Variants in VPS45 observed in about 807,000 individuals in gnomAD.
The protein encoded by VPS45 is vacuolar protein sorting-associated protein 45.
A neutral mutation model predicts 75.9 loss-of-function variants in VPS45; 35 were observed. The observed-to-expected ratio is 0.46, with a 90% CI of 0.35 to 0.61. VPS45 has a LOEUF of 0.61. Ranked by LOEUF, VPS45 falls within the 20% of genes least tolerant of loss-of-function variation. The probability of loss-of-function intolerance (pLI) is 0.00; values close to 1 mark genes in which losing one functional copy is unlikely to be tolerated. For synonymous variants in VPS45, 220 were observed against 238.2 expected (o/e 0.92, Z 0.70); for missense variants, 559 against 685.9 (o/e 0.81, Z 2.07).
intron 14 of VPS45, among the ~76,000 whole-genome samples, chr1:150,134,955 T>G (rs1659000765): frequency 6.6e-6 from 1 of 152,224 alleles, no homozygotes; most frequent in Non-Finnish European, 1.5e-5. Flanking sequence ...GCCTTTACTA[T>G]TCAAGGCAGG....
At chr1:150,072,365 T>A in intron 3 of VPS45, 139 bp downstream of exon 3, 1 of 635,712 alleles carries the variant, frequency 1.6e-6, no homozygotes, top group Non-Finnish European at 2.5e-6. Context: ...TCCAAAGTAT[T>A]AAAAATCTTT....
At chr1:150,130,159 C>T (rs1553811960) in intron 14 of VPS45, among the ~76,000 whole-genome samples, 2 of 150,662 alleles carry the variant, frequency 1.3e-5, no homozygotes, top group African/African-American at 4.9e-5. Flanking sequence ...GCCACTGTGC[C>T]CAGCACACAT....
rs1221748312 is a variant in VPS45, at chr1:150,130,451, C to A, written c.1626-14258C>A. On this transcript the variant is annotated intron_variant, in intron 14 of 14. Coordinates refer to ENST00000644510, the MANE Select transcript of VPS45 (RefSeq NM_007259.5). ...AAGTGATCTGCCTGCCTCAGCCTCC[C>A]AAAGTGCTGAGATTATAGGCATAAA... Among the ~76,000 whole-genome samples the A allele has an allele frequency of 2.0e-5, 3 of 152,064 alleles. No homozygotes were observed. The South Asian group carries it at 6.2e-4, about 31-fold the overall frequency.
chr1:150,117,316 G>T (rs914538844), intron 14 of VPS45, among the ~76,000 whole-genome samples: 1 of 151,150 alleles, frequency 6.6e-6, no homozygotes, highest in Non-Finnish European at 1.5e-5. Context: ...GAGGTCATGA[G>T]TTTGAGAGGA....
At chr1:150,095,614 C>A (rs1224723461) in intron 13 of VPS45, among the ~76,000 whole-genome samples, 34 of 144,482 alleles carry the variant, frequency 2.4e-4, no homozygotes, top group African/African-American at 2.3e-4. Flanking sequence ...GACCCCATCT[C>A]AAAAAAAAAA....
At chr1:150,082,042 T>A in intron 9 of VPS45, 45 bp downstream of exon 9, 1 of 1,271,918 alleles carries the variant, frequency 7.9e-7, no homozygotes. Flanking sequence ...GACAGTTTGG[T>A]ACTATTCATG....
In VPS45 at chr1:150,076,558, C is replaced by G. The variant is rs587711744; in HGVS notation, c.369+246C>G. Reference sequence around the variant, plus strand: ...ATACCTGTTTTAAATTATATTCTCTCTCATGACAACACATTGGACAGCAAA... The same window carrying G: ...ATACCTGTTTTAAATTATATTCTCTGTCATGACAACACATTGGACAGCAAA... On this transcript the variant is annotated intron_variant, in intron 4 of 14. Transcript: ENST00000644510. 4 of 476,662 alleles carry G rather than the reference C, an allele frequency of 8.4e-6. No homozygotes were observed. In the East Asian group the frequency reaches 1.1e-4, roughly 13 times the overall value. 29.5% of individuals were successfully genotyped at this position (476,662 alleles called of 1,614,324 possible). A position where few individuals can be genotyped will look rare whatever the true frequency, so the allele number is the denominator to read the frequency against.
intron 12 of VPS45, among the ~76,000 whole-genome samples, chr1:150,093,293 G>C (rs1290610774): frequency 6.6e-6 from 1 of 152,078 alleles, no homozygotes; most frequent in African/African-American, 2.4e-5. Context: ...AAGGATTTAA[G>C]CAATTCCATT....
chr1:150,092,205 C>A, intron 11 of VPS45, 97 bp from the exon 12 acceptor site: 1 of 1,523,408 alleles, frequency 6.6e-7, no homozygotes, highest in East Asian at 2.3e-5. Flanking sequence ...ATGTATAATT[C>A]TGTCTTTTCA....
chr1:150,100,889 C>G (rs1559920925), intron 13 of VPS45, among the ~76,000 whole-genome samples: 1 of 152,140 alleles, frequency 6.6e-6, no homozygotes, highest in East Asian at 1.9e-4. Context: ...GGAGGACAAC[C>G]TAGGTAATAC....
intron 2 of VPS45, among the ~76,000 whole-genome samples, chr1:150,071,918 A>AT (rs58875425): frequency 0.027 from 4,098 of 152,016 alleles, 164 homozygotes; most frequent in African/African-American, 0.093. Context: ...CTTTATCTTA[A>AT]TTGGCCAAAA....
intron 5 of VPS45, 48 bp downstream of exon 5, chr1:150,077,032 A>G: frequency 6.2e-7 from 1 of 1,613,450 alleles, no homozygotes; most frequent in Non-Finnish European, 8.5e-7. Context: ...AATTCAGCAA[A>G]TAATTAGACT....
chr1:150,097,031 A>G (rs1324108875), intron 13 of VPS45, among the ~76,000 whole-genome samples: 1 of 151,528 alleles, frequency 6.6e-6, no homozygotes, highest in East Asian at 1.9e-4. Flanking sequence ...CTCACGGGTG[A>G]TATGCAAAGC....
At chr1:150,119,475 C>G (rs941577473) in intron 14 of VPS45, among the ~76,000 whole-genome samples, 6 of 152,116 alleles carry the variant, frequency 3.9e-5, no homozygotes, top group Non-Finnish European at 8.8e-5. Context: ...GAATTAGTGA[C>G]AAAAATGCAG....
intron 14 of VPS45, among the ~76,000 whole-genome samples, chr1:150,135,279 T>G (rs893630878): frequency 1.3e-5 from 2 of 152,156 alleles, no homozygotes; most frequent in Non-Finnish European, 2.9e-5. Context: ...ATTTATTTTT[T>G]ATGACAGAGT....
intron 13 of VPS45, among the ~76,000 whole-genome samples, chr1:150,096,492 T>C (rs1656664034): frequency 6.6e-6 from 1 of 152,094 alleles, no homozygotes; most frequent in Non-Finnish European, 1.5e-5. Flanking sequence ...GTGGTTGTAG[T>C]GGGTAAAAGA....
chr1:150,110,263 A>T (rs985665648), intron 13 of VPS45: 31 of 413,210 alleles, frequency 7.5e-5, no homozygotes, highest in Middle Eastern at 6.8e-4. Context: ...ACAGCACAGA[A>T]ATTATAAGAC....
chr1:150,093,501 A>G lies in VPS45; in HGVS notation c.1372-26A>G, dbSNP rs1553802426. On this transcript the variant is annotated intron_variant, in intron 12 of 14. Coordinates refer to ENST00000644510, the MANE Select transcript of VPS45 (RefSeq NM_007259.5). ...GTGTTGCCAATTTCCCAAAAATGAC[A>G]TAAGAACCATTTTCCCCTGTTTTAG... 5 of 1,605,578 alleles carry G rather than the reference A, an allele frequency of 3.1e-6. No homozygotes were observed. The South Asian group carries it at 4.4e-5, about 14-fold the overall frequency.
intron 14 of VPS45, among the ~76,000 whole-genome samples, chr1:150,134,152 C>G (rs1248471978): frequency 2.0e-5 from 3 of 152,136 alleles, no homozygotes; most frequent in Admixed American, 6.5e-5. Context: ...ATATCTTATA[C>G]TTTAATTCAG....
Sources: allele counts gnomAD v4.1 joint callset (sites outside exome capture counted in the v4.1 genomes callset), GRCh38; gene constraint gnomAD v4.1.1; transcripts MANE v1.5; gene names NCBI Gene and HGNC (gene_info 2026-07-23, HGNC 2026-07-21).